Variants in ZBTB20 observed in about 807,000 individuals in gnomAD.
ZBTB20 encodes the protein zinc finger and BTB domain-containing protein 20.
ZBTB20 carries 9 observed loss-of-function variants against 56.9 expected under a neutral mutation model. The observed-to-expected ratio is 0.16, with a 90% CI of 0.10 to 0.28. ZBTB20 has a LOEUF of 0.28. Ranked by LOEUF, ZBTB20 falls within the 10% of genes least tolerant of loss-of-function variation. The pLI, the probability that ZBTB20 is intolerant of heterozygous loss-of-function variation, is 1.00. For missense variants in ZBTB20, 655 were observed against 1,003.0 expected, an observed-to-expected ratio of 0.65 and a Z score of 4.69; for synonymous variants, 417 against 420.7, an observed-to-expected ratio of 0.99 and a Z score of 0.11.
At chr3:115,022,041 A>G (rs2080226302) in intron 2 of ZBTB20, among the ~76,000 whole-genome samples, 1 of 150,668 alleles carries the variant, frequency 6.6e-6, no homozygotes, top group Non-Finnish European at 1.5e-5. Flanking sequence ...TTTGAAGAAA[A>G]AGTTGAGACA....
At chr3:114,596,516 A>G (rs2056328636) in intron 6 of ZBTB20, among the ~76,000 whole-genome samples, 2 of 152,198 alleles carry the variant, frequency 1.3e-5, no homozygotes, top group African/African-American at 4.8e-5. Context: ...AGGATTTGAC[A>G]TGCTAATATC....
At chr3:114,841,084 G>A (rs1183036376) in intron 4 of ZBTB20, among the ~76,000 whole-genome samples, 5 of 152,068 alleles carry the variant, frequency 3.3e-5, no homozygotes, top group South Asian at 2.1e-4. Context: ...CACTAAAGAC[G>A]CAGCCTTGAA....
At chr3:114,379,928 G>A (rs2084110567) in intron 10 of ZBTB20, among the ~76,000 whole-genome samples, 1 of 152,118 alleles carries the variant, frequency 6.6e-6, no homozygotes, top group South Asian at 2.1e-4. Context: ...AAGAATAAAT[G>A]GATACCAGCA....
At position 114,320,031 on chromosome 3, in the gene ZBTB20, G is replaced by C. The variant is rs1156651888; in HGVS notation, c.*18974C>G. The C allele has an allele frequency of 2.0e-5, 3 of 152,120 alleles. No homozygotes were observed. Among genetic ancestry groups the C allele is most frequent in the Non-Finnish European group, 2.9e-5 (2 of 68,016 alleles). 9.4% of individuals were successfully genotyped at this position (152,120 alleles called of 1,614,324 possible). On this transcript the variant is annotated 3_prime_UTR_variant, in exon 12 of 12. Transcript: ENST00000675478. ...TGGGCATTAATTGCAATAATGACAAGATCTCTGCTCTCAGAGGAATGCTCT... is the reference window on the plus strand; with the variant it reads ...TGGGCATTAATTGCAATAATGACAACATCTCTGCTCTCAGAGGAATGCTCT...
At chr3:114,932,485 A>G (rs1560413012) in intron 3 of ZBTB20, among the ~76,000 whole-genome samples, 1 of 152,204 alleles carries the variant, frequency 6.6e-6, no homozygotes, top group Non-Finnish European at 1.5e-5. Context: ...CATCACAGAT[A>G]TTATCAATCC....
intron 6 of ZBTB20, among the ~76,000 whole-genome samples, chr3:114,539,878 T>C (rs2048911943): frequency 6.6e-6 from 1 of 151,366 alleles, no homozygotes; most frequent in Non-Finnish European, 1.5e-5. Flanking sequence ...CATCTTCTCT[T>C]AGTTGTAAAT....
At chr3:115,135,367 A>T (rs945793771) in intron 1 of ZBTB20, among the ~76,000 whole-genome samples, 1 of 152,178 alleles carries the variant, frequency 6.6e-6, no homozygotes, top group African/African-American at 2.4e-5. Context: ...TCTGGACTTC[A>T]TTATACTTAT....
At chr3:114,423,496 A>G (rs2089373264) in intron 7 of ZBTB20, among the ~76,000 whole-genome samples, 1 of 152,240 alleles carries the variant, frequency 6.6e-6, no homozygotes, top group Non-Finnish European at 1.5e-5. Flanking sequence ...AAGGGTTCAG[A>G]GCAAAGGCCA....
intron 1 of ZBTB20, among the ~76,000 whole-genome samples, chr3:115,126,494 G>C (rs1220609847): frequency 6.6e-6 from 1 of 151,934 alleles, no homozygotes; most frequent in Non-Finnish European, 1.5e-5. Context: ...TTATACTGTG[G>C]TATAGTCACA....
intron 7 of ZBTB20, among the ~76,000 whole-genome samples, chr3:114,495,953 T>C (rs2043238128): frequency 2.6e-5 from 4 of 152,208 alleles, no homozygotes; most frequent in Admixed American, 6.5e-5. Context: ...CTATGCACCT[T>C]TAATGTAATT....
Position 114,515,315 on chromosome 3 carries a change from T to TA in ZBTB20, c.-294-14925dup, listed in dbSNP as rs566076503. ...CGCCCATGGTTGTTAACTTTAGAGA[T>TA]ACCCACCAGCTCCATCAATTCCCTC... On this transcript the variant is annotated intron_variant, in intron 6 of 11. Coordinates refer to ENST00000675478, the MANE Select transcript of ZBTB20 (RefSeq NM_001348800.3). Among the ~76,000 whole-genome samples, 830 of 152,292 alleles carry TA rather than the reference T, an allele frequency of 5.5e-3. 3 individuals are homozygous for TA. Among genetic ancestry groups the TA allele is most frequent in the Middle Eastern group, 0.034 (10 of 294 alleles).
At chr3:114,881,442 G>A (rs931524440) in intron 4 of ZBTB20, among the ~76,000 whole-genome samples, 1 of 152,028 alleles carries the variant, frequency 6.6e-6, no homozygotes, top group African/African-American at 2.4e-5. Context: ...TTACTGATAA[G>A]TAAGTGCTTT....
chr3:114,952,622 A>G (rs1326461468), intron 3 of ZBTB20, among the ~76,000 whole-genome samples: 1 of 152,032 alleles, frequency 6.6e-6, no homozygotes, highest in Non-Finnish European at 1.5e-5. Flanking sequence ...CTCTGGATAC[A>G]TTAAAATAGA....
In ZBTB20 at chr3:114,336,176, T is replaced by C. The variant is rs988402963; in HGVS notation, c.*2829A>G. 1 of 152,248 alleles carries C rather than the reference T, an allele frequency of 6.6e-6. No homozygotes were observed. Among genetic ancestry groups the C allele is most frequent in the African/African-American group, 2.4e-5 (1 of 41,474 alleles). The allele number at this position is 152,248 out of a possible 1,614,324, so 9.4% of individuals were successfully genotyped here. On this transcript the variant is annotated 3_prime_UTR_variant, in exon 12 of 12. Coordinates refer to ENST00000675478, the MANE Select transcript of ZBTB20 (RefSeq NM_001348800.3). ...TTCATTTGTAACATGTATTGAGTGA[T>C]TTCATGTCATTGTCTCCTAGCTTTA...
At chr3:115,013,167 A>T (rs1046690572) in intron 2 of ZBTB20, among the ~76,000 whole-genome samples, 52 of 151,786 alleles carry the variant, frequency 3.4e-4, no homozygotes, top group African/African-American at 1.2e-3. Context: ...CTTCAAAAGC[A>T]AGAGCAAATC....
chr3:114,689,464 T>C (rs967609717), intron 6 of ZBTB20, among the ~76,000 whole-genome samples: 4 of 152,088 alleles, frequency 2.6e-5, no homozygotes, highest in African/African-American at 9.7e-5. Context: ...GTGGAAGGTG[T>C]ATCGTACTAG....
At chr3:114,640,408 C>T (rs1418247033) in intron 6 of ZBTB20, among the ~76,000 whole-genome samples, 1 of 152,012 alleles carries the variant, frequency 6.6e-6, no homozygotes, top group Non-Finnish European at 1.5e-5. Flanking sequence ...ATGCTTATAG[C>T]GCTTAAGAAC....
chr3:114,847,564 G>C (rs764548696), intron 4 of ZBTB20, among the ~76,000 whole-genome samples: 15 of 152,008 alleles, frequency 9.9e-5, no homozygotes, highest in Non-Finnish European at 1.6e-4. Flanking sequence ...GATTATCAAG[G>C]GCCTTTTCGT....
chr3:114,949,532 C>A (rs2076992358), intron 3 of ZBTB20, among the ~76,000 whole-genome samples: 1 of 146,154 alleles, frequency 6.8e-6, no homozygotes, highest in South Asian at 2.2e-4. Flanking sequence ...CTTTGGGAGG[C>A]CAAGGTGGCC....
Sources: allele counts gnomAD v4.1 joint callset (sites outside exome capture counted in the v4.1 genomes callset), GRCh38; gene constraint gnomAD v4.1.1; transcripts MANE v1.5; gene names NCBI Gene and HGNC (gene_info 2026-07-23, HGNC 2026-07-21).